NCR2: variants seen among roughly 807,000 people sequenced by gnomAD.
The protein encoded by NCR2 is natural cytotoxicity triggering receptor 2, also known as NK cell activating receptor (NKp44).
In NCR2, 35 loss-of-function variants were observed where a neutral mutation model predicts 30.7. The observed-to-expected ratio is 1.14, with a 90% confidence interval of 0.87 to 1.51. The LOEUF (loss-of-function observed/expected upper bound fraction) is 1.51, where lower values mean the gene tolerates loss of function less well. Among genes scored for constraint, NCR2 ranks in the 40% most tolerant of loss-of-function variants. NCR2 has a pLI of 0.00. For synonymous variants in NCR2, 146 were observed against 134.8 expected, an observed-to-expected ratio of 1.08 and a Z score of -0.58; for missense variants, 316 against 328.9, an observed-to-expected ratio of 0.96 and a Z score of 0.30.
intron 4 of NCR2, 51 bp from the exon 5 acceptor site, chr6:41,350,627 A>G: frequency 6.5e-7 from 1 of 1,540,744 alleles, no homozygotes; most frequent in Non-Finnish European, 8.9e-7. Flanking sequence ...ACCTATGTGC[A>G]ATTATGTGGC....
intron 2 of NCR2, among the ~76,000 whole-genome samples, chr6:41,337,798 A>G (rs192106879): frequency 6.6e-6 from 1 of 152,344 alleles, no homozygotes; most frequent in African/African-American, 2.4e-5. Flanking sequence ...TCAATCCTTT[A>G]TCAGTAGCCA....
intron 4 of NCR2, among the ~76,000 whole-genome samples, chr6:41,349,042 A>G (rs1345220109): frequency 6.8e-6 from 1 of 148,010 alleles, no homozygotes; most frequent in African/African-American, 2.5e-5. Flanking sequence ...TGAAATCATT[A>G]TAATTTTATA....
intron 3 of NCR2, 21 bp from the exon 4 acceptor site, chr6:41,342,015 T>C: frequency 6.2e-7 from 1 of 1,613,808 alleles, no homozygotes. Context: ...CCTCTCCCCT[T>C]CCTGTCCCTC....
intron 2 of NCR2, 117 bp downstream of exon 2, chr6:41,336,545 A>T (rs1769036957): frequency 1.2e-6 from 1 of 819,754 alleles, no homozygotes; most frequent in Non-Finnish European, 1.9e-6. Flanking sequence ...GTCTCCTGGG[A>T]AGGCTGTTGG....
chr6:41,345,809 G>A (rs1003974707), intron 4 of NCR2, among the ~76,000 whole-genome samples: 1 of 152,122 alleles, frequency 6.6e-6, no homozygotes, highest in African/African-American at 2.4e-5. Context: ...CACCTGAAGT[G>A]CGCAGTCATC....
chr6:41,336,182 G>C lies in NCR2; in HGVS notation c.148G>C (p.Glu50Gln). Reference sequence around the variant, plus strand: ...GTACCCGCCCACGGGCAGTCTCTACGAGAAGAAAGGCTGGTGTAAGGAGGC... The same window carrying C: ...GTACCCGCCCACGGGCAGTCTCTACCAGAAGAAAGGCTGGTGTAAGGAGGC... ...CQYPPTGSLYEKKGWCKEASA... is the reference protein window; with the variant it reads ...CQYPPTGSLYQKKGWCKEASA... The change falls in exon 2 of 5, where the codon GAG becomes CAG. Residue 50 changes from glutamate (E) to glutamine (Q), a missense_variant. Coordinates refer to ENST00000373089, the MANE Select transcript of NCR2 (RefSeq NM_004828.4). 2 of 1,614,172 alleles carry C rather than the reference G, an allele frequency of 1.2e-6. No individual in the cohort carries two copies. Among genetic ancestry groups the C allele is most frequent in the South Asian group, 1.1e-5 (1 of 91,084 alleles).
chr6:41,340,958 C>A (rs1218368476), intron 2 of NCR2, among the ~76,000 whole-genome samples: 2 of 152,064 alleles, frequency 1.3e-5, no homozygotes, highest in Non-Finnish European at 2.9e-5. Context: ...GCCTCAGGCA[C>A]CCTCTCCTCC....
At chr6:41,343,539 G>T (rs747210180) in intron 4 of NCR2, among the ~76,000 whole-genome samples, 19 of 152,202 alleles carry the variant, frequency 1.2e-4, no homozygotes, top group Non-Finnish European at 2.6e-4. Context: ...GAGTTTATCT[G>T]AGCAAAGAAC....
At chr6:41,340,427 G>A (rs181442012) in intron 2 of NCR2, among the ~76,000 whole-genome samples, 1 of 152,192 alleles carries the variant, frequency 6.6e-6, no homozygotes, top group Non-Finnish European at 1.5e-5. Context: ...CTCCAAAACT[G>A]CCGGGATTAC....
At position 41,336,072 on chromosome 6, in the gene NCR2, T is replaced by C; in HGVS notation, c.53-15T>C. The C allele has an allele frequency of 2.5e-6, 4 of 1,609,756 alleles. No homozygotes were observed. The South Asian group carries it at 4.4e-5, about 18-fold the overall frequency. On this transcript the variant is annotated splice_polypyrimidine_tract_variant and intron_variant, in intron 1 of 4. Transcript: ENST00000373089. ...CGCGTGGCCTTGACCTATGCGTTAC[T>C]TCATCATTCTCCAGGCTCTCAGGCA...
In NCR2 at chr6:41,345,728, T is replaced by A. The variant is rs531429949; in HGVS notation, c.644+3579T>A. On this transcript the variant is annotated intron_variant, in intron 4 of 4. Transcript: ENST00000373089. ...CTCATCACCCAGAATCCCAACTCAG[T>A]AAGACCTTGTAAATCCATGACATTA... Among the ~76,000 whole-genome samples the A allele has an allele frequency of 4.6e-5, 7 of 152,268 alleles. No individual in the cohort carries two copies. The East Asian group carries it at 1.4e-3, about 29-fold the overall frequency.
chr6:41,348,797 C>T (rs916184735), intron 4 of NCR2, among the ~76,000 whole-genome samples: 1 of 152,100 alleles, frequency 6.6e-6, no homozygotes, highest in Non-Finnish European at 1.5e-5. Flanking sequence ...AAATGTGGAT[C>T]TCCTGTAAAA....
intron 4 of NCR2, among the ~76,000 whole-genome samples, chr6:41,345,613 GCACTCA>G (rs1769281493): frequency 1.3e-5 from 2 of 151,978 alleles, no homozygotes; most frequent in Non-Finnish European, 2.9e-5. Flanking sequence ...CCCAAGGTCA[GCACTCA>G]GACTCCAGTA....
rs1340562348 is a variant in NCR2, at chr6:41,342,034, A to G, written c.531-2A>G. On this transcript the variant is annotated splice_acceptor_variant, in intron 3 of 4. Transcript: ENST00000373089. LOFTEE classifies it high-confidence loss of function. ...TCCCCTTCCTGTCCCTCTGCCTTCC[A>G]GGCCACAGAACTCCACGCTCCGCCC... is the stretch of plus-strand genomic sequence containing the variant. 6.2e-7 allele frequency: 1 copy of G among 1,613,836 alleles called. No homozygotes were observed. Among genetic ancestry groups the G allele is most frequent in the East Asian group, 2.2e-5 (1 of 44,856 alleles).
intron 4 of NCR2, among the ~76,000 whole-genome samples, chr6:41,348,401 A>G (rs987481824): frequency 2.0e-5 from 3 of 152,136 alleles, no homozygotes; most frequent in African/African-American, 4.8e-5. Context: ...CCAATGTCCA[A>G]TGCAGTACAG....
At position 41,344,484 on chromosome 6, in the gene NCR2, G is replaced by A. The variant is rs555380066; in HGVS notation, c.644+2335G>A. ...CGTGATTATCTTTTCTCTCCTGTTT[G>A]TCATCTATTTTTCTTTATTCCTACT... On this transcript the variant is annotated intron_variant, in intron 4 of 4. Coordinates refer to ENST00000373089, the MANE Select transcript of NCR2 (RefSeq NM_004828.4). Among the ~76,000 whole-genome samples the A allele has an allele frequency of 1.1e-4, 17 of 152,246 alleles. No individual in the cohort carries two copies. In the East Asian group the frequency reaches 3.1e-3, roughly 28 times the overall value.
chr6:41,336,112 G>C lies in NCR2; in HGVS notation c.78G>C (p.Gln26His). 1.2e-6 allele frequency: 2 copies of C among 1,614,028 alleles called. No individual in the cohort carries two copies. The highest frequency in any genetic ancestry group is 1.1e-5 in the South Asian group (1 of 91,078). Residue 26 changes from glutamine to histidine, a missense_variant, in exon 2 of 5, where the codon CAG becomes CAC. Coordinates refer to ENST00000373089, the MANE Select transcript of NCR2 (RefSeq NM_004828.4). Reference sequence around the variant, plus strand: ...GCTCTCAGGCACAATCCAAGGCTCAGGTACTTCAAAGTGTGGCAGGGCAGA... The same window carrying C: ...GCTCTCAGGCACAATCCAAGGCTCACGTACTTCAAAGTGTGGCAGGGCAGA... ...FPGSQAQSKA[Q>H]VLQSVAGQTL...
intron 4 of NCR2, chr6:41,343,132 A>G (rs7743304): frequency 0.75 from 738,941 of 978,818 alleles, 279,524 homozygotes; most frequent in East Asian, 0.87. Flanking sequence ...CAAGGCCTTT[A>G]GCCACGCTCT....
intron 4 of NCR2, among the ~76,000 whole-genome samples, chr6:41,344,858 C>A (rs996450752): frequency 6.6e-6 from 1 of 152,210 alleles, no homozygotes; most frequent in Non-Finnish European, 1.5e-5. Flanking sequence ...GGGCTCCAGG[C>A]GGATTGGGCG....
Sources: allele counts gnomAD v4.1 joint callset (sites outside exome capture counted in the v4.1 genomes callset), GRCh38; gene constraint gnomAD v4.1.1; transcripts MANE v1.5; gene names NCBI Gene and HGNC (gene_info 2026-07-23, HGNC 2026-07-21).